SUSD6: variants seen among roughly 807,000 people sequenced by gnomAD.
SUSD6 encodes sushi domain containing 6.
A neutral mutation model predicts 28.4 loss-of-function variants in SUSD6; 16 were observed. The ratio of observed to expected loss-of-function variants is 0.56; its 90% CI spans 0.38 to 0.86. The LOEUF is 0.86. SUSD6 is among the 40% of genes least tolerant of loss of function. The pLI is 0.00. For missense variants in SUSD6, 341 were observed against 384.2 expected (o/e 0.89, Z 0.94); for synonymous variants, 147 against 159.6 (o/e 0.92, Z 0.59).
At position 69,703,470 on chromosome 14, in the gene SUSD6, C is replaced by T. The variant is rs752814641; in HGVS notation, c.197C>T (p.Ala66Val). The T allele has an allele frequency of 3.7e-6, 6 of 1,614,146 alleles. No individual in the cohort carries two copies. In the South Asian group the frequency reaches 6.6e-5, roughly 18 times the overall value. Residue 66 changes from alanine to valine, a missense_variant, in exon 3 of 6, where the codon GCA (alanine) becomes GTA (valine). Coordinates refer to ENST00000342745, the MANE Select transcript of SUSD6 (RefSeq NM_014734.4). ...CGGCCCTGCAGAGACCCCCTGACAG[C>T]AGGCAGTGTCATCGAATACCTGTGT... Reference protein sequence around the residue: ...HPRPCRDPLTAGSVIEYLCAE... With the variant: ...HPRPCRDPLTVGSVIEYLCAE...
chr14:69,622,244 A>T (rs1404126862), intron 1 of SUSD6, among the ~76,000 whole-genome samples: 4 of 152,114 alleles, frequency 2.6e-5, no homozygotes, highest in African/African-American at 9.7e-5. Flanking sequence ...GGCTCGCTGC[A>T]GCCTTGACCT....
intron 1 of SUSD6, among the ~76,000 whole-genome samples, chr14:69,644,107 A>G (rs946393069): frequency 5.3e-5 from 8 of 152,188 alleles, no homozygotes; most frequent in Non-Finnish European, 1.0e-4. Context: ...TACACAATAT[A>G]CAGTAGACCG....
At chr14:69,665,723 A>T (rs1885730435) in intron 2 of SUSD6, among the ~76,000 whole-genome samples, 1 of 152,338 alleles carries the variant, frequency 6.6e-6, no homozygotes, top group African/African-American at 2.4e-5. Flanking sequence ...TCTAGGTACC[A>T]TTATGCTTCA....
chr14:69,625,692 C>A (rs577900618), intron 1 of SUSD6, among the ~76,000 whole-genome samples: 3 of 152,286 alleles, frequency 2.0e-5, no homozygotes, highest in Admixed American at 1.3e-4. Context: ...TGGACCACAT[C>A]CAGAGTGATC....
chr14:69,692,454 C>T (rs1209477536), intron 2 of SUSD6, among the ~76,000 whole-genome samples: 1 of 152,142 alleles, frequency 6.6e-6, no homozygotes, highest in African/African-American at 2.4e-5. Flanking sequence ...TGACCTCAGT[C>T]CATTACTAAA....
At chr14:69,677,688 A>G (rs1885934375) in intron 2 of SUSD6, among the ~76,000 whole-genome samples, 1 of 152,198 alleles carries the variant, frequency 6.6e-6, no homozygotes, top group East Asian at 1.9e-4. Context: ...GTGAGTAGAA[A>G]CAGATCTGCC....
intron 1 of SUSD6, among the ~76,000 whole-genome samples, chr14:69,629,691 A>G (rs1406276903): frequency 1.3e-5 from 2 of 152,214 alleles, no homozygotes; most frequent in African/African-American, 2.4e-5. Context: ...ATGCCCAGGA[A>G]TGATGATTCT....
chr14:69,666,053 C>T (rs1405584832), intron 2 of SUSD6, among the ~76,000 whole-genome samples: 1 of 152,230 alleles, frequency 6.6e-6, no homozygotes, highest in Admixed American at 6.5e-5. Context: ...TATGACACCA[C>T]AGCTGCTTGG....
At chr14:69,706,328 TGAGTA>T (rs10604454) in intron 4 of SUSD6, among the ~76,000 whole-genome samples, 7,084 of 152,284 alleles carry the variant, frequency 0.047, 203 homozygotes, top group East Asian at 0.15. Context: ...TTGCTTGATT[TGAGTA>T]GAGGGGAGAT....
At chr14:69,644,339 A>G (rs1472186335) in intron 1 of SUSD6, among the ~76,000 whole-genome samples, 1 of 152,142 alleles carries the variant, frequency 6.6e-6, no homozygotes, top group Non-Finnish European at 1.5e-5. Context: ...AACATATTCC[A>G]GAATGTTGCC....
chr14:69,617,317 C>G (rs926233991), intron 1 of SUSD6: 9 of 152,288 alleles, frequency 5.9e-5, no homozygotes, highest in African/African-American at 1.7e-4. Context: ...AAAGCTGCAT[C>G]CATCCATATC....
At chr14:69,687,962 T>G (rs748310498) in intron 2 of SUSD6, among the ~76,000 whole-genome samples, 16 of 152,254 alleles carry the variant, frequency 1.1e-4, no homozygotes, top group Non-Finnish European at 2.2e-4. Context: ...TACTTTATAA[T>G]GTGCCTAATT....
intron 1 of SUSD6, among the ~76,000 whole-genome samples, chr14:69,626,679 G>A (rs927891831): frequency 2.6e-5 from 4 of 151,892 alleles, no homozygotes; most frequent in African/African-American, 9.7e-5. Context: ...TACCAACTAA[G>A]TCACCAGACT....
At chr14:69,614,526 T>C (rs562235705) in intron 1 of SUSD6, among the ~76,000 whole-genome samples, 1 of 152,338 alleles carries the variant, frequency 6.6e-6, no homozygotes, top group South Asian at 2.1e-4. Flanking sequence ...AAGTTAGAAC[T>C]TCTTTCAAGT....
chr14:69,630,817 G>A (rs1221369712), intron 1 of SUSD6, among the ~76,000 whole-genome samples: 2 of 152,080 alleles, frequency 1.3e-5, no homozygotes, highest in Admixed American at 1.3e-4. Flanking sequence ...ATTTTTTGAG[G>A]CAACTTCTAG....
intron 2 of SUSD6, among the ~76,000 whole-genome samples, chr14:69,695,275 C>G (rs1886209149): frequency 6.6e-6 from 1 of 152,198 alleles, no homozygotes; most frequent in Non-Finnish European, 1.5e-5. Flanking sequence ...TAGTGGGACT[C>G]CTGCCTGTTT....
At position 69,703,596 on chromosome 14, in the gene SUSD6, A is replaced by G; in HGVS notation, c.319+4A>G. ...ATTAGCTGCCGTCTCAACGAGGGTC[A>G]GTCTGGCAGATGAAAAAGGGATGCT... On this transcript the variant is annotated splice_donor_region_variant and intron_variant, in intron 3 of 5. Transcript: ENST00000342745. 1 of 1,613,906 alleles carries G rather than the reference A, an allele frequency of 6.2e-7. No homozygotes were observed. The highest frequency in any genetic ancestry group is 8.5e-7 in the Non-Finnish European group (1 of 1,179,788).
chr14:69,679,972 C>G (rs1330267348), intron 2 of SUSD6, among the ~76,000 whole-genome samples: 1 of 152,188 alleles, frequency 6.6e-6, no homozygotes, highest in Non-Finnish European at 1.5e-5. Flanking sequence ...AACATCTTCC[C>G]TATCTGAATA....
At chr14:69,700,660 A>G (rs537739071) in intron 2 of SUSD6, among the ~76,000 whole-genome samples, 5 of 152,132 alleles carry the variant, frequency 3.3e-5, no homozygotes, top group African/African-American at 7.2e-5. Flanking sequence ...CTGAAGTGCT[A>G]CTTCCTCGGA....
Sources: allele counts gnomAD v4.1 joint callset (sites outside exome capture counted in the v4.1 genomes callset), GRCh38; gene constraint gnomAD v4.1.1; transcripts MANE v1.5; gene names NCBI Gene and HGNC (gene_info 2026-07-23, HGNC 2026-07-21).